The following SLC9D1 variants were observed in gnomAD, a reference collection of about 807,000 sequenced individuals.
SLC9D1 encodes solute carrier family 9 member D1.
At chr13:113,536,665 CCTG>C in the SLC9D1 span, 1 of 725,504 alleles carries the variant, frequency 1.4e-6, no homozygotes, top group African/African-American at 1.9e-5. Flanking sequence ...TCACCGTGCA[CCTG>C]CTGCCAGCTG....
the SLC9D1 span, among the ~76,000 whole-genome samples, chr13:113,507,718 T>C: frequency 0.19 from 28,173 of 152,234 alleles, 3,444 homozygotes; most frequent in African/African-American, 0.35. Flanking sequence ...CAAGTCATTG[T>C]GGTTGGGAGT....
At chr13:113,531,736 G>A in the SLC9D1 span, among the ~76,000 whole-genome samples, 4 of 152,246 alleles carry the variant, frequency 2.6e-5, no homozygotes, top group Non-Finnish European at 5.9e-5. Flanking sequence ...CCGGTGGCAC[G>A]GCGGCAAGCC....
the SLC9D1 span, among the ~76,000 whole-genome samples, chr13:113,532,043 C>T: frequency 2.0e-5 from 3 of 152,168 alleles, no homozygotes; most frequent in Non-Finnish European, 4.4e-5. Context: ...TCATCTGTGA[C>T]GTAGCAGTGG....
chr13:113,549,699 C>A, the SLC9D1 span: 3 of 892,560 alleles, frequency 3.4e-6, no homozygotes, highest in Admixed American at 1.8e-5. Flanking sequence ...ACAGAATATT[C>A]TTGTCCTATT....
At chr13:113,502,170 G>A in the SLC9D1 span, among the ~76,000 whole-genome samples, 1 of 152,096 alleles carries the variant, frequency 6.6e-6, no homozygotes, top group Non-Finnish European at 1.5e-5. Flanking sequence ...CACCTTTCAC[G>A]TGCTGAATGT....
the SLC9D1 span, among the ~76,000 whole-genome samples, chr13:113,532,636 G>A: frequency 1.3e-5 from 2 of 152,116 alleles, no homozygotes; most frequent in South Asian, 2.1e-4. Flanking sequence ...GCCTGGCAGT[G>A]TGGCAAAGCT....
At chr13:113,525,000 A>G in the SLC9D1 span, among the ~76,000 whole-genome samples, 1 of 152,042 alleles carries the variant, frequency 6.6e-6, no homozygotes, top group African/African-American at 2.4e-5. Flanking sequence ...GTTTAGGCTC[A>G]TTTATAATGT....
the SLC9D1 span, among the ~76,000 whole-genome samples, chr13:113,523,115 T>C: frequency 7.8e-6 from 1 of 128,784 alleles, no homozygotes; most frequent in African/African-American, 3.4e-5. Flanking sequence ...TGTGTAGTTC[T>C]CTCTTTTTTT....
At chr13:113,518,180 G>A in the SLC9D1 span, among the ~76,000 whole-genome samples, 5 of 152,216 alleles carry the variant, frequency 3.3e-5, no homozygotes, top group African/African-American at 1.2e-4. Flanking sequence ...ATATTTCAGT[G>A]TGGTAATATT....
the SLC9D1 span, chr13:113,547,121 G>A: frequency 3.8e-5 from 23 of 600,350 alleles, no homozygotes; most frequent in Middle Eastern, 1.2e-3. Context: ...GCTTTTCCCC[G>A]GTTCGCTCAG....
the SLC9D1 span, among the ~76,000 whole-genome samples, chr13:113,500,681 G>A: frequency 7.8e-3 from 1,192 of 152,284 alleles, 8 homozygotes; most frequent in Admixed American, 0.011. Context: ...AGGAGGGAGT[G>A]GCACGACCAT....
At chr13:113,519,937 G>A in the SLC9D1 span, among the ~76,000 whole-genome samples, 8 of 152,376 alleles carry the variant, frequency 5.3e-5, no homozygotes, top group African/African-American at 1.7e-4. Flanking sequence ...CCTACCTGGA[G>A]TAGCTCAGGG....
the SLC9D1 span, among the ~76,000 whole-genome samples, chr13:113,525,908 G>A: frequency 2.2e-5 from 3 of 136,314 alleles, no homozygotes; most frequent in African/African-American, 7.9e-5. Context: ...AGAACAAGCC[G>A]TCGTCGTCGT....
the SLC9D1 span, among the ~76,000 whole-genome samples, chr13:113,511,338 G>GT: frequency 1.3e-5 from 2 of 152,222 alleles, no homozygotes; most frequent in Non-Finnish European, 2.9e-5. Context: ...AACCAAAGAG[G>GT]TATGTCTGAC....
the SLC9D1 span, among the ~76,000 whole-genome samples, chr13:113,508,237 G>T: frequency 1.7e-3 from 260 of 152,342 alleles, 1 homozygote; most frequent in Non-Finnish European, 2.8e-3. Context: ...AGAAACTAAA[G>T]CTAGAGAGAT....
At chr13:113,500,006 G>A in the SLC9D1 span, 1 of 1,576,778 alleles carries the variant, frequency 6.3e-7, no homozygotes, top group South Asian at 1.2e-5. Context: ...GGAAGAAGAG[G>A]CCAATTCTAA....
chr13:113,521,368 GGT>G, the SLC9D1 span, among the ~76,000 whole-genome samples: 14 of 150,392 alleles, frequency 9.3e-5, no homozygotes, highest in East Asian at 5.9e-4. Flanking sequence ...ATGCATGTGT[GGT>G]GTGTGTGTGT....
chr13:113,501,752 G>C, the SLC9D1 span: 1 of 1,607,670 alleles, frequency 6.2e-7, no homozygotes, highest in East Asian at 2.2e-5. Context: ...TATTCTTCAG[G>C]ACATTGTTAC....
the SLC9D1 span, among the ~76,000 whole-genome samples, chr13:113,540,379 C>T: frequency 6.6e-6 from 1 of 152,228 alleles, no homozygotes; most frequent in Non-Finnish European, 1.5e-5. Flanking sequence ...TGCCGTTTCT[C>T]CACAACCTCG....
Sources: allele counts gnomAD v4.1 joint callset (sites outside exome capture counted in the v4.1 genomes callset), GRCh38; gene constraint gnomAD v4.1.1; transcripts MANE v1.5; gene names NCBI Gene and HGNC (gene_info 2026-07-23, HGNC 2026-07-21).